Variants in ARFGAP2 observed in about 807,000 individuals in gnomAD.
ARFGAP2 encodes ARF GTPase activating protein 2.
In ARFGAP2, 45 loss-of-function variants were observed where a neutral mutation model predicts 71.9. That is an observed-to-expected ratio of 0.63 (90% CI 0.49 to 0.80). The LOEUF is 0.80. Among genes scored for constraint, ARFGAP2 ranks in the 30% least tolerant of loss-of-function variants. ARFGAP2 has a pLI of 0.00. For missense variants in ARFGAP2, 633 were observed against 673.9 expected, an observed-to-expected ratio of 0.94 and a Z score of 0.67; for synonymous variants, 248 against 249.2, an observed-to-expected ratio of 1.00 and a Z score of 0.05.
In ARFGAP2 at chr11:47,175,044, CCTT is replaced by C. The variant is rs933492845; in HGVS notation, c.448_450del (p.Lys150del). The C allele has an allele frequency of 1.5e-5, 24 of 1,614,038 alleles. No individual in the cohort carries two copies. The highest frequency in any genetic ancestry group is 1.8e-5 in the Non-Finnish European group (21 of 1,180,022). On this transcript the variant is annotated inframe_deletion, in exon 5 of 16. Transcript: ENST00000524782. ...GTGTGTTCTGTGAAGAAATCAGAGT[CCTT>C]CTTCTCTGGGGAGTGATTAGGAACG...
At position 47,165,126 on chromosome 11, in the gene ARFGAP2, C is replaced by T. The variant is rs1184154211; in HGVS notation, c.*356G>A. 1 of 295,184 alleles carries T rather than the reference C, an allele frequency of 3.4e-6. No individual in the cohort carries two copies. Among genetic ancestry groups the T allele is most frequent in the African/African-American group, 2.2e-5 (1 of 46,132 alleles). The allele number at this position is 295,184 out of a possible 1,614,324, so 18.3% of individuals were successfully genotyped here. ...AGCAAAAAAAGCCTTCTACCTTCCG[C>T]TTTCCCTACCTGGGGAAAGTCTGGA... is the stretch of plus-strand genomic sequence containing the variant. On this transcript the variant is annotated 3_prime_UTR_variant, in exon 16 of 16. Transcript: ENST00000524782.
intron 10 of ARFGAP2, among the ~76,000 whole-genome samples, chr11:47,170,249 G>A (rs1952542633): frequency 6.7e-6 from 1 of 148,804 alleles, no homozygotes; most frequent in Admixed American, 6.8e-5. Context: ...GCTTGAATCT[G>A]GGAGGCGGAG....
At position 47,164,453 on chromosome 11, in the gene ARFGAP2, C is replaced by T. The variant is rs1298576734; in HGVS notation, c.*1029G>A. ...TGTTGCTTGGGAGCCCAACCTACAA[C>T]CCAAAGGTGGGGGCTGGGCTGAGAC... On this transcript the variant is annotated 3_prime_UTR_variant, in exon 16 of 16. Transcript: ENST00000524782. 7.8e-6 allele frequency: 4 copies of T among 514,882 alleles called. No homozygotes were observed. In the African/African-American group the frequency reaches 7.9e-5, roughly 10 times the overall value. The allele number at this position is 514,882 out of a possible 1,614,324, so 31.9% of individuals were successfully genotyped here.
At chr11:47,175,481 A>G (rs1317398167) in intron 3 of ARFGAP2, 168 bp from the exon 4 acceptor site, 3 of 1,088,892 alleles carry the variant, frequency 2.8e-6, no homozygotes, top group Non-Finnish European at 4.0e-6. Flanking sequence ...ATTCCTGCAA[A>G]AAACACCTTG....
chr11:47,172,187 T>A, intron 8 of ARFGAP2, 94 bp downstream of exon 8: 1 of 1,272,158 alleles, frequency 7.9e-7, no homozygotes, highest in South Asian at 1.3e-5. Flanking sequence ...TTTGCCAAAG[T>A]CATATAGCTG....
At chr11:47,165,936 G>T (rs1400387447) in intron 15 of ARFGAP2, among the ~76,000 whole-genome samples, 1 of 152,064 alleles carries the variant, frequency 6.6e-6, no homozygotes, top group Non-Finnish European at 1.5e-5. Flanking sequence ...GCAGTGGCAT[G>T]ATCTCAGCTC....
At position 47,168,239 on chromosome 11, in the gene ARFGAP2, G is replaced by C. The variant is rs1257544230; in HGVS notation, c.954C>G (p.His318Gln). 1.2e-6 allele frequency: 2 copies of C among 1,614,192 alleles called. No individual in the cohort carries two copies. The highest frequency in any genetic ancestry group is 1.3e-5 in the African/African-American group (1 of 75,068). ...TCACCTGCATCTCAGACAGCACGGA[G>C]TGGGAGACAGAGCTGCGCAGCAAAG... is the stretch of plus-strand genomic sequence containing the variant. ...MGLVSRSSVS[H>Q]SVLSEMQVIE... Residue 318 changes from histidine (H) to glutamine (Q), a missense_variant, in exon 11 of 16, where the codon CAC becomes CAG. Coordinates refer to ENST00000524782, the MANE Select transcript of ARFGAP2 (RefSeq NM_032389.6).
Position 47,173,442 on chromosome 11 carries a change from T to C in ARFGAP2, c.603A>G (p.Ser201=). 6.4e-7 allele frequency: 1 copy of C among 1,557,156 alleles called. No homozygotes were observed. The highest frequency in any genetic ancestry group is 8.7e-7 in the Non-Finnish European group (1 of 1,150,126). ...CATACTGACCCAGTGAGGCTTTGGG[T>C]GAGGTGCCAAGCAGGTCTGTGTTGG... ...HGPNTDLLGT[S]PKASLELKSS... is the part of the protein sequence containing the mutation. Residue 201 remains serine, a synonymous_variant, in exon 7 of 16, where the codon TCA becomes TCG. Coordinates refer to ENST00000524782, the MANE Select transcript of ARFGAP2 (RefSeq NM_032389.6).
Position 47,165,518 on chromosome 11 carries a change from G to T in ARFGAP2, c.1546-16C>A, listed in dbSNP as rs1952314576. On this transcript the variant is annotated splice_polypyrimidine_tract_variant and intron_variant, in intron 15 of 15. Coordinates refer to ENST00000524782, the MANE Select transcript of ARFGAP2 (RefSeq NM_032389.6). Reference sequence around the variant, plus strand: ...CGTAGCGATCCTGGGGGCGAGGGGGGAGAAAAAAAAAAAAAAAGTCAGAGG... The same window carrying T: ...CGTAGCGATCCTGGGGGCGAGGGGGTAGAAAAAAAAAAAAAAAGTCAGAGG... The T allele has an allele frequency of 6.6e-7, 1 of 1,507,168 alleles. No homozygotes were observed. The highest frequency in any genetic ancestry group is 2.4e-5 in the East Asian group (1 of 41,198). 93.4% of individuals were successfully genotyped at this position (1,507,168 alleles called of 1,614,324 possible). A position where few individuals can be genotyped will look rare whatever the true frequency, so the allele number is the denominator to read the frequency against.
At position 47,175,049 on chromosome 11, in the gene ARFGAP2, T is replaced by C; in HGVS notation, c.446A>G (p.Lys149Arg). Residue 149 changes from lysine to arginine, a missense_variant, in exon 5 of 16, where the codon AAG becomes AGG. Lys to Arg is a conservative substitution (Grantham distance 26, BLOSUM62 2). Coordinates refer to ENST00000524782, the MANE Select transcript of ARFGAP2 (RefSeq NM_032389.6). The stretch of plus-strand genomic sequence containing the variant: ...TTCTGTGAAGAAATCAGAGTCCTTC[T>C]TCTCTGGGGAGTGATTAGGAACGGC... ...SSAVPNHSPE[K>R]KDSDFFTEHT... 1 of 1,614,204 alleles carries C rather than the reference T, an allele frequency of 6.2e-7. No individual in the cohort carries two copies. The highest frequency in any genetic ancestry group is 8.5e-7 in the Non-Finnish European group (1 of 1,180,034).
Position 47,173,728 on chromosome 11 carries a change from G to A in ARFGAP2, c.562+31C>T, listed in dbSNP as rs777085869. 3.8e-6 allele frequency: 6 copies of A among 1,571,458 alleles called. No individual in the cohort carries two copies. The South Asian group carries it at 7.0e-5, about 18-fold the overall frequency. The stretch of plus-strand genomic sequence containing the variant: ...ACCCTGAGTCCTCTCCTAGGACCAG[G>A]GCACCTGGTTGGAATCTGGGCTGAA... On this transcript the variant is annotated intron_variant, in intron 6 of 15. Coordinates refer to ENST00000524782, the MANE Select transcript of ARFGAP2 (RefSeq NM_032389.6).
chr11:47,174,567 T>C (rs987131080), intron 5 of ARFGAP2: 16 of 160,690 alleles, frequency 1.0e-4, no homozygotes, highest in African/African-American at 3.9e-4. Context: ...GGCTAATTTT[T>C]TGTATTTTTA....
chr11:47,173,665 C>T (rs922404168), intron 6 of ARFGAP2, 94 bp downstream of exon 6: 2 of 1,480,916 alleles, frequency 1.4e-6, no homozygotes, highest in Admixed American at 2.1e-5. Context: ...ACAGGAGGAC[C>T]CCTGCTCCTA....
chr11:47,167,908 C>A lies in ARFGAP2; in HGVS notation c.1205+1G>T. 2 of 1,603,054 alleles carry A rather than the reference C, an allele frequency of 1.2e-6. No individual in the cohort carries two copies. Among genetic ancestry groups the A allele is most frequent in the Non-Finnish European group, 1.7e-6 (2 of 1,175,226 alleles). On this transcript the variant is annotated splice_donor_variant, in intron 12 of 15. Coordinates refer to ENST00000524782, the MANE Select transcript of ARFGAP2 (RefSeq NM_032389.6). LOFTEE classifies it high-confidence loss of function. ...AAAAAAGAAAAAACAGCCCACTCTA[C>A]CTTTCTGAAATAGGCCGGATGCTTG...
chr11:47,172,668 G>A, intron 7 of ARFGAP2: 1 of 1,318,818 alleles, frequency 7.6e-7, no homozygotes, highest in Non-Finnish European at 9.9e-7. Context: ...AAAGCAGGAA[G>A]CTGAGAACAG....
intron 8 of ARFGAP2, 96 bp from the exon 9 acceptor site, chr11:47,171,896 CCTT>C: frequency 1.3e-6 from 2 of 1,515,364 alleles, no homozygotes; most frequent in South Asian, 1.2e-5. Flanking sequence ...AGGAAAAGGC[CCTT>C]CTTAAAATTT....
chr11:47,165,504 T>C lies in ARFGAP2; in HGVS notation c.1546-2A>G. 6.5e-7 allele frequency: 1 copy of C among 1,536,292 alleles called. No homozygotes were observed. Among genetic ancestry groups the C allele is most frequent in the Non-Finnish European group, 8.7e-7 (1 of 1,143,866 alleles). ...GGATCAGTAGGAACCGTAGCGATCC[T>C]GGGGGCGAGGGGGGAGAAAAAAAAA... is the stretch of plus-strand genomic sequence containing the variant. On this transcript the variant is annotated splice_acceptor_variant, in intron 15 of 15. Transcript: ENST00000524782. LOFTEE classifies it high-confidence loss of function.
chr11:47,176,837 T>C lies in ARFGAP2; in HGVS notation c.17A>G (p.Asn6Ser), dbSNP rs764652027. The C allele has an allele frequency of 1.2e-6, 2 of 1,613,794 alleles. No homozygotes were observed. Among genetic ancestry groups the C allele is most frequent in the South Asian group, 1.1e-5 (1 of 91,084 alleles). The change falls in exon 1 of 16, where the codon AAC becomes AGC. Residue 6 changes from asparagine (N) to serine (S), a missense_variant. By Grantham distance (46) the Asn-to-Ser change is conservative. Transcript: ENST00000524782. ...AAAAAGAGTCTGGATTTCGGTCTTG[T>C]TCGGCTCCGCCGCCATTTTCTCTCC... Reference protein sequence around the residue: MAAEPNKTEIQTLFKR... With the variant: MAAEPSKTEIQTLFKR...
intron 6 of ARFGAP2, 77 bp from the exon 7 acceptor site, chr11:47,173,559 A>G: frequency 6.8e-7 from 1 of 1,477,310 alleles, no homozygotes; most frequent in Middle Eastern, 2.5e-4. Context: ...TGATGGGACA[A>G]GAATCGGTGG....
Sources: allele counts gnomAD v4.1 joint callset (sites outside exome capture counted in the v4.1 genomes callset), GRCh38; gene constraint gnomAD v4.1.1; transcripts MANE v1.5; gene names NCBI Gene and HGNC (gene_info 2026-07-23, HGNC 2026-07-21).